The following PTN variants were observed in gnomAD, a reference collection of about 807,000 sequenced individuals.
PTN encodes heparin affin regulatory protein.
A neutral mutation model predicts 24.1 loss-of-function variants in PTN; 18 were observed. The observed-to-expected ratio is 0.75, with a 90% CI of 0.52 to 1.11. PTN has a LOEUF of 1.11. Ranked by LOEUF, PTN falls within the 50% of genes least tolerant of loss-of-function variation. The probability of loss-of-function intolerance (pLI) is 0.00; values close to 1 mark genes in which losing one functional copy is unlikely to be tolerated. For missense variants in PTN, 163 were observed against 198.8 expected, an observed-to-expected ratio of 0.82 and a Z score of 1.08; for synonymous variants, 78 against 68.6, an observed-to-expected ratio of 1.14 and a Z score of -0.67.
intron 1 of PTN, among the ~76,000 whole-genome samples, chr7:137,278,983 A>AT (rs1554466685): frequency 1.3e-4 from 18 of 143,164 alleles, no homozygotes; most frequent in East Asian, 6.0e-4. Flanking sequence ...AATAATAATA[A>AT]AATAAAGAAA....
chr7:137,284,199 G>A (rs1202062994), intron 1 of PTN, among the ~76,000 whole-genome samples: 4 of 151,246 alleles, frequency 2.6e-5, no homozygotes, highest in Admixed American at 6.6e-5. Context: ...CTCGTGATCC[G>A]CCCGCCTCGG....
intron 4 of PTN, among the ~76,000 whole-genome samples, chr7:137,232,898 C>A (rs764946378): frequency 6.6e-5 from 10 of 151,892 alleles, no homozygotes; most frequent in Non-Finnish European, 1.3e-4. Context: ...CTCTTTCCTG[C>A]CACCCTGTGA....
chr7:137,295,575 GA>G (rs1225467109), intron 1 of PTN, among the ~76,000 whole-genome samples: 4 of 151,810 alleles, frequency 2.6e-5, no homozygotes, highest in African/African-American at 7.3e-5. Context: ...AAAGCAGTAT[GA>G]AAAAAATGAA....
chr7:137,338,728 C>A lies in PTN; in HGVS notation c.-2+4711G>T, dbSNP rs74722347. Among the ~76,000 whole-genome samples the A allele has an allele frequency of 7.9e-3, 1,202 of 152,226 alleles. 15 individuals carry two copies. Among genetic ancestry groups the A allele is most frequent in the African/African-American group, 0.024 (1,013 of 41,508 alleles). ...ACCATATAGTATGTCAGTCACTATG[C>A]GTAAAAGTCTGGTAGGGATAAAAAT... On this transcript the variant is annotated intron_variant, in intron 1 of 4. Transcript: ENST00000348225.
chr7:137,268,660 A>C (rs979491346), intron 1 of PTN, among the ~76,000 whole-genome samples: 2 of 152,212 alleles, frequency 1.3e-5, no homozygotes, highest in Non-Finnish European at 1.5e-5. Context: ...TTGCCAGGTC[A>C]GGTCAGGGGT....
intron 1 of PTN, among the ~76,000 whole-genome samples, chr7:137,270,424 C>T (rs1333833448): frequency 6.6e-6 from 1 of 152,148 alleles, no homozygotes; most frequent in Admixed American, 6.5e-5. Context: ...TTTTCTTATT[C>T]ACCAGAAATA....
At chr7:137,321,637 C>CACT (rs1810164639) in intron 1 of PTN, among the ~76,000 whole-genome samples, 1 of 152,104 alleles carries the variant, frequency 6.6e-6, no homozygotes, top group Non-Finnish European at 1.5e-5. Context: ...TCTGTTTAAT[C>CACT]ACTACCAGAA....
At chr7:137,235,305 G>A (rs556233069) in intron 4 of PTN, among the ~76,000 whole-genome samples, 4 of 152,144 alleles carry the variant, frequency 2.6e-5, no homozygotes, top group South Asian at 2.1e-4. Flanking sequence ...CTCGCCCCAC[G>A]TCAGCTATGC....
chr7:137,243,013 T>G (rs989893446), intron 4 of PTN, among the ~76,000 whole-genome samples: 2 of 152,252 alleles, frequency 1.3e-5, no homozygotes, highest in African/African-American at 4.8e-5. Context: ...CTTGACTCAC[T>G]GCAACGTCTG....
chr7:137,311,336 C>G (rs1809979572), intron 1 of PTN, among the ~76,000 whole-genome samples: 1 of 151,808 alleles, frequency 6.6e-6, no homozygotes, highest in Non-Finnish European at 1.5e-5. Context: ...GTATCCAGAC[C>G]ACTCAAACTT....
At chr7:137,278,306 C>CAAAAAAAAAAAAAAAAAA (rs71176391) in intron 1 of PTN, among the ~76,000 whole-genome samples, 3 of 62,844 alleles carry the variant, frequency 4.8e-5, no homozygotes, top group Non-Finnish European at 8.2e-5. Context: ...GACTCCGTCT[C>CAAAAAAAAAAAAAAAAAA]AAAAAAAAAA....
At chr7:137,299,234 A>G (rs1388116181) in intron 1 of PTN, among the ~76,000 whole-genome samples, 1 of 151,996 alleles carries the variant, frequency 6.6e-6, no homozygotes, top group African/African-American at 2.4e-5. Flanking sequence ...AACTACAACA[A>G]AACTCTCAAC....
At chr7:137,336,768 G>A (rs373495739) in intron 1 of PTN, among the ~76,000 whole-genome samples, 1 of 152,236 alleles carries the variant, frequency 6.6e-6, no homozygotes, top group African/African-American at 2.4e-5. Context: ...CTTGCATCTG[G>A]TGCTGCTTCA....
intron 1 of PTN, among the ~76,000 whole-genome samples, chr7:137,305,697 G>A (rs77037525): frequency 0.023 from 3,487 of 152,140 alleles, 122 homozygotes; most frequent in African/African-American, 0.076. Context: ...AGAAAATGAT[G>A]TATTACCATT....
intron 1 of PTN, among the ~76,000 whole-genome samples, chr7:137,341,916 T>C (rs1810540532): frequency 6.6e-6 from 1 of 152,142 alleles, no homozygotes. Context: ...GTACAAATAT[T>C]GCCAGTCTGA....
Position 137,254,954 on chromosome 7 carries a change from T to C in PTN, c.20A>G (p.Gln7Arg), listed in dbSNP as rs1303907152. The part of the protein sequence containing the change: MQAQQY[Q>R]QQRRKFAAAF... ...AGCTGCAAATTTTCGACGCTGCTGC[T>C]GGTACTGTTGAGCCTGCATTCTAGG... Residue 7 changes from glutamine to arginine, a missense_variant, in exon 2 of 5, where the codon CAG (glutamine) becomes CGG (arginine). By Grantham distance (43) the Gln-to-Arg change is conservative. Coordinates refer to ENST00000348225, the MANE Select transcript of PTN (RefSeq NM_002825.7). The C allele has an allele frequency of 2.6e-6, 4 of 1,561,178 alleles. No individual in the cohort carries two copies. The highest frequency in any genetic ancestry group is 3.5e-6 in the Non-Finnish European group (4 of 1,141,690).
chr7:137,278,478 A>T (rs558817432), intron 1 of PTN, among the ~76,000 whole-genome samples: 2 of 152,180 alleles, frequency 1.3e-5, no homozygotes, highest in African/African-American at 4.8e-5. Flanking sequence ...GTTATTTCAC[A>T]GAAATAGTCA....
At chr7:137,276,958 G>A (rs1585025489) in intron 1 of PTN, among the ~76,000 whole-genome samples, 1 of 152,124 alleles carries the variant, frequency 6.6e-6, no homozygotes, top group Non-Finnish European at 1.5e-5. Flanking sequence ...TACCAGAATT[G>A]ATAAGTGAGT....
At position 137,337,236 on chromosome 7, in the gene PTN, T is replaced by C. The variant is rs375608185; in HGVS notation, c.-2+6203A>G. ...ACCTCTAACTGTACATACATTGGATTTGGGGTTTGACATGAGAGACAAATG... is the reference window on the plus strand; with the variant it reads ...ACCTCTAACTGTACATACATTGGATCTGGGGTTTGACATGAGAGACAAATG... On this transcript the variant is annotated intron_variant, in intron 1 of 4. Transcript: ENST00000348225. Among the ~76,000 whole-genome samples the C allele has an allele frequency of 3.3e-4, 50 of 152,272 alleles. No individual in the cohort carries two copies. The South Asian group carries it at 9.5e-3, about 29-fold the overall frequency.
Sources: allele counts gnomAD v4.1 joint callset (sites outside exome capture counted in the v4.1 genomes callset), GRCh38; gene constraint gnomAD v4.1.1; transcripts MANE v1.5; gene names NCBI Gene and HGNC (gene_info 2026-07-23, HGNC 2026-07-21).